CUX1: variants seen among roughly 807,000 people sequenced by gnomAD.
CUX1 encodes protein CASP.
CUX1 carries 31 observed loss-of-function variants against 158.8 expected under a neutral mutation model. The observed-to-expected ratio is 0.20, with a 90% confidence interval of 0.15 to 0.26. The LOEUF (loss-of-function observed/expected upper bound fraction) is 0.26, where lower values mean the gene tolerates loss of function less well. CUX1 is among the 10% of genes least tolerant of loss of function. The probability of loss-of-function intolerance (pLI) is 1.00; values close to 1 mark genes in which losing one functional copy is unlikely to be tolerated. For missense variants in CUX1, 1,589 were observed against 2,014.6 expected (o/e 0.79, Z 4.04); for synonymous variants, 879 against 862.1 (o/e 1.02, Z -0.34).
At chr7:101,979,533 GT>G (rs1813144641) in intron 2 of CUX1, among the ~76,000 whole-genome samples, 2 of 152,198 alleles carry the variant, frequency 1.3e-5, no homozygotes, top group Non-Finnish European at 2.9e-5. Context: ...ACTCCTAACA[GT>G]AACTCACAAA....
chr7:102,019,177 C>T (rs1007923578), intron 2 of CUX1, among the ~76,000 whole-genome samples: 9 of 152,174 alleles, frequency 5.9e-5, no homozygotes, highest in Non-Finnish European at 1.0e-4. Flanking sequence ...CTTAGATAAC[C>T]GCCCCCGCGC....
At chr7:102,113,584 G>A (rs1554490944) in intron 7 of CUX1, among the ~76,000 whole-genome samples, 2 of 151,904 alleles carry the variant, frequency 1.3e-5, no homozygotes, top group Non-Finnish European at 2.9e-5. Context: ...TAGAGACATG[G>A]TCTCTCTCTG....
intron 18 of CUX1, among the ~76,000 whole-genome samples, chr7:102,202,588 G>A (rs1470645040): frequency 1.3e-5 from 2 of 152,174 alleles, no homozygotes; most frequent in African/African-American, 4.8e-5. Context: ...AAGGGGAGCT[G>A]AGAGGCACCC....
intron 20 of CUX1, among the ~76,000 whole-genome samples, chr7:102,209,047 C>T (rs1208180182): frequency 4.6e-5 from 7 of 152,178 alleles, no homozygotes; most frequent in Non-Finnish European, 7.4e-5. Flanking sequence ...GCTCTGTGCT[C>T]TGTGCTCGGT....
At chr7:102,184,249 A>G (rs578208471) in intron 11 of CUX1, among the ~76,000 whole-genome samples, 1 of 152,344 alleles carries the variant, frequency 6.6e-6, no homozygotes, top group East Asian at 1.9e-4. Flanking sequence ...AAGCCAAAAT[A>G]GTTGGCATTG....
chr7:102,027,099 C>T (rs1426513852), intron 2 of CUX1, among the ~76,000 whole-genome samples: 1 of 151,668 alleles, frequency 6.6e-6, no homozygotes, highest in Non-Finnish European at 1.5e-5. Context: ...AAAATGGCAG[C>T]TAGGGCCGGC....
intron 2 of CUX1, among the ~76,000 whole-genome samples, chr7:101,923,616 A>G (rs1374326416): frequency 6.6e-6 from 1 of 152,098 alleles, no homozygotes; most frequent in Non-Finnish European, 1.5e-5. Context: ...GCCCTGATGT[A>G]TTTTTGCCTC....
chr7:102,238,526 A>G (rs186597875), intron 22 of CUX1, among the ~76,000 whole-genome samples: 20 of 152,336 alleles, frequency 1.3e-4, no homozygotes, highest in Non-Finnish European at 2.6e-4. Context: ...ATGATTAATG[A>G]TATTCATATA....
At chr7:102,209,340 G>T (rs1349163539) in intron 20 of CUX1, among the ~76,000 whole-genome samples, 1 of 152,154 alleles carries the variant, frequency 6.6e-6, no homozygotes, top group South Asian at 2.1e-4. Context: ...TGGGGGTGAC[G>T]GGCTTGGGCA....
At chr7:101,858,868 G>A (rs1797156533) in intron 1 of CUX1, among the ~76,000 whole-genome samples, 1 of 152,114 alleles carries the variant, frequency 6.6e-6, no homozygotes, top group African/African-American at 2.4e-5. Context: ...GTTTCGCCAT[G>A]TTGGCCAGGC....
chr7:102,016,908 G>A lies in CUX1; in HGVS notation c.142-11190G>A, dbSNP rs143947235. Among the ~76,000 whole-genome samples, 342 of 152,356 alleles carry A rather than the reference G, an allele frequency of 2.2e-3. 1 individual carries two copies. The highest frequency in any genetic ancestry group is 7.9e-3 in the African/African-American group (330 of 41,576). ...AAATGACACAGTGGCAAAAGTCGGA[G>A]TCACACGTCCTGGTTGGTTTCAGAG... On this transcript the variant is annotated intron_variant, in intron 2 of 23. Coordinates refer to ENST00000292535, the MANE Select transcript of CUX1 (RefSeq NM_181552.4).
chr7:102,232,580 A>G (rs1799120533), intron 21 of CUX1, among the ~76,000 whole-genome samples: 1 of 152,048 alleles, frequency 6.6e-6, no homozygotes, highest in South Asian at 2.1e-4. Flanking sequence ...TCCACCTAAT[A>G]AGTCCTGTTC....
chr7:101,900,456 T>G (rs139742057), intron 1 of CUX1, among the ~76,000 whole-genome samples: 2 of 152,360 alleles, frequency 1.3e-5, no homozygotes, highest in African/African-American at 4.8e-5. Context: ...ACTCGCTGAA[T>G]GCGGCACCGA....
chr7:101,850,060 A>T (rs1796112719), intron 1 of CUX1, among the ~76,000 whole-genome samples: 1 of 151,328 alleles, frequency 6.6e-6, no homozygotes, highest in Non-Finnish European at 1.5e-5. Flanking sequence ...AGTAGCTGGG[A>T]TTATAGGAAT....
intron 2 of CUX1, among the ~76,000 whole-genome samples, chr7:102,021,977 A>G (rs1478409273): frequency 6.6e-6 from 1 of 152,186 alleles, no homozygotes; most frequent in African/African-American, 2.4e-5. Context: ...TCGCTCCTGC[A>G]GACAGAGGTG....
At chr7:101,844,360 C>A (rs1355557440) in intron 1 of CUX1, among the ~76,000 whole-genome samples, 1 of 152,102 alleles carries the variant, frequency 6.6e-6, no homozygotes, top group African/African-American at 2.4e-5. Flanking sequence ...TGATAAACTT[C>A]CTGAGACTTT....
intron 2 of CUX1, among the ~76,000 whole-genome samples, chr7:102,011,756 C>T (rs1222529711): frequency 1.3e-5 from 2 of 152,136 alleles, no homozygotes; most frequent in Admixed American, 6.6e-5. Context: ...GGGCAGGACA[C>T]GGAGGTACAC....
intron 3 of CUX1, among the ~76,000 whole-genome samples, chr7:102,062,445 G>C (rs1485995563): frequency 1.3e-5 from 2 of 152,170 alleles, no homozygotes; most frequent in African/African-American, 2.4e-5. Flanking sequence ...CCTAGACTGA[G>C]TTTTTATACT....
intron 1 of CUX1, among the ~76,000 whole-genome samples, chr7:101,831,581 C>T (rs1794019074): frequency 6.6e-6 from 1 of 152,066 alleles, no homozygotes; most frequent in Non-Finnish European, 1.5e-5. Context: ...CGTGAGCCAC[C>T]ATGCCTGGCC....
Sources: allele counts gnomAD v4.1 joint callset (sites outside exome capture counted in the v4.1 genomes callset), GRCh38; gene constraint gnomAD v4.1.1; transcripts MANE v1.5; gene names NCBI Gene and HGNC (gene_info 2026-07-23, HGNC 2026-07-21).